GCNT1: variants seen among roughly 807,000 people sequenced by gnomAD.
GCNT1 encodes the protein glucosaminyl (N-acetyl) transferase 1, also known as beta-1,3-galactosyl-O-glycosyl-glycoprotein beta-1,6-N-acetylglucosaminyltransferase.
Under a neutral mutation model 26.2 loss-of-function variants are expected in GCNT1, and 16 were observed. The observed-to-expected ratio is 0.61, with a 90% CI of 0.41 to 0.93. The LOEUF (loss-of-function observed/expected upper bound fraction) is 0.93. Among genes scored for constraint, GCNT1 ranks in the 40% least tolerant of loss-of-function variants. The probability of loss-of-function intolerance (pLI) is 0.00; values close to 1 mark genes in which losing one functional copy is unlikely to be tolerated. For missense variants in GCNT1, 477 were observed against 526.7 expected (o/e 0.91, Z 0.92); for synonymous variants, 183 against 190.8 (o/e 0.96, Z 0.34).
chr9:76,433,683 T>G (rs1202099129), intron 1 of GCNT1, among the ~76,000 whole-genome samples: 5 of 152,130 alleles, frequency 3.3e-5, no homozygotes, highest in Non-Finnish European at 7.4e-5. Flanking sequence ...GTGGGCAGGG[T>G]GCCTCTTGCA....
upstream of GCNT1, chr9:76,441,644 A>C (rs984935021): frequency 2.0e-5 from 3 of 152,432 alleles, no homozygotes; most frequent in African/African-American, 7.2e-5. Flanking sequence ...TTGAGACACG[A>C]AGAAAGTGTG....
At chr9:76,437,922 G>A (rs1823431291), upstream of GCNT1, among the ~76,000 whole-genome samples, 1 of 152,336 alleles carries the variant, frequency 6.6e-6, no homozygotes. Context: ...AAGAGTAAAT[G>A]ATCTTTTGAT....
At chr9:76,486,447 A>T (rs1824577293) in intron 2 of GCNT1, among the ~76,000 whole-genome samples, 1 of 152,160 alleles carries the variant, frequency 6.6e-6, no homozygotes, top group African/African-American at 2.4e-5. Flanking sequence ...CAAGTTGAAA[A>T]CAGTTTTCCT....
In GCNT1 at chr9:76,499,605, C is replaced by A. The variant is rs142474380; in HGVS notation, c.-289-1311C>A. ...TTATGAAATGTCTAGGTAAGGATAT[C>A]TGAGTTTATCCTCTTTGGCGCTCAT... On this transcript the variant is annotated intron_variant, in intron 2 of 3. Coordinates refer to ENST00000376730, the MANE Select transcript of GCNT1 (RefSeq NM_001490.5). Among the ~76,000 whole-genome samples the A allele has an allele frequency of 1.7e-3, 266 of 152,292 alleles. 2 individuals carry two copies. The East Asian group carries it at 0.026, about 15-fold the overall frequency.
intron 2 of GCNT1, among the ~76,000 whole-genome samples, chr9:76,480,774 T>C (rs1310488029): frequency 1.3e-5 from 2 of 152,226 alleles, no homozygotes; most frequent in East Asian, 3.8e-4. Context: ...GTAGAACTTT[T>C]CATGTCATTA....
intron 2 of GCNT1, among the ~76,000 whole-genome samples, chr9:76,476,235 T>C (rs1345978777): frequency 6.6e-6 from 1 of 152,130 alleles, no homozygotes; most frequent in Non-Finnish European, 1.5e-5. Flanking sequence ...GTACTTAAAA[T>C]TGGGACCGTT....
At chr9:76,403,024 C>T in the GCNT1 span, among the ~76,000 whole-genome samples, 1 of 152,122 alleles carries the variant, frequency 6.6e-6, no homozygotes, top group Non-Finnish European at 1.5e-5. Flanking sequence ...GGAAGGTTGT[C>T]AGTAGTACTA....
At chr9:76,450,291 T>A (rs560595489) in intron 1 of GCNT1, among the ~76,000 whole-genome samples, 1 of 152,380 alleles carries the variant, frequency 6.6e-6, no homozygotes, top group Non-Finnish European at 1.5e-5. Flanking sequence ...CCTTATAGCA[T>A]ATGCGTAAAT....
At chr9:76,403,411 T>A in the GCNT1 span, among the ~76,000 whole-genome samples, 1 of 152,242 alleles carries the variant, frequency 6.6e-6, no homozygotes, top group African/African-American at 2.4e-5. Context: ...GCAAATGCAA[T>A]GTTAAATTCT....
rs1354443553 is a variant in GCNT1 at position 76,504,743 on chromosome 9, C to G, written c.*1075C>G. On this transcript the variant is annotated 3_prime_UTR_variant, in exon 4 of 4. Transcript: ENST00000376730. The stretch of plus-strand genomic sequence containing the variant: ...CAGGATTGTTTTATCCTAATGTCAC[C>G]TGTATATTCATTTGAAAGGACTTGG... 2 of 413,356 alleles carry G rather than the reference C, an allele frequency of 4.8e-6. No individual in the cohort carries two copies. Among genetic ancestry groups the G allele is most frequent in the Non-Finnish European group, 8.8e-6 (2 of 226,148 alleles). 25.6% of individuals were successfully genotyped at this position (413,356 alleles called of 1,614,324 possible).
chr9:76,501,305 A>G (rs1825060082), intron 3 of GCNT1, among the ~76,000 whole-genome samples: 1 of 152,216 alleles, frequency 6.6e-6, no homozygotes, highest in South Asian at 2.1e-4. Flanking sequence ...ACCAATTGCC[A>G]AGTTATAAAA....
At chr9:76,482,258 C>G (rs1478635365) in intron 2 of GCNT1, among the ~76,000 whole-genome samples, 1 of 151,984 alleles carries the variant, frequency 6.6e-6, no homozygotes, top group Non-Finnish European at 1.5e-5. Flanking sequence ...ATCTCCTACT[C>G]CCTAAAACTC....
chr9:76,465,102 C>G (rs974295842), intron 2 of GCNT1, among the ~76,000 whole-genome samples: 2 of 152,230 alleles, frequency 1.3e-5, no homozygotes, highest in East Asian at 3.9e-4. Context: ...CCTGCCTCAG[C>G]CTCCCTTGTA....
chr9:76,424,703 C>G (rs1207297007), intron 1 of GCNT1, among the ~76,000 whole-genome samples: 1 of 152,080 alleles, frequency 6.6e-6, no homozygotes, highest in African/African-American at 2.4e-5. Context: ...GTGCCCTATT[C>G]AAAATGGAAA....
At chr9:76,409,838 G>A in the GCNT1 span, among the ~76,000 whole-genome samples, 3 of 152,022 alleles carry the variant, frequency 2.0e-5, no homozygotes, top group African/African-American at 7.2e-5. Flanking sequence ...GTTTCTTAAA[G>A]TGGAAGCTTA....
intron 2 of GCNT1, among the ~76,000 whole-genome samples, chr9:76,486,916 A>AAAAC (rs74278555): frequency 0.36 from 54,467 of 150,816 alleles, 10,316 homozygotes; most frequent in South Asian, 0.42. Flanking sequence ...ATCTCTACTT[A>AAAAC]AAACAAACAA....
chr9:76,428,302 A>AAAAAAAAAAAAAAAAGAG (rs1222053703), intron 1 of GCNT1, among the ~76,000 whole-genome samples: 1 of 149,330 alleles, frequency 6.7e-6, no homozygotes, highest in Non-Finnish European at 1.5e-5. Context: ...TAAAAAAAAA[A>AAAAAAAAAAAAAAAAGAG]AGAGAGAGAG....
intron 2 of GCNT1, among the ~76,000 whole-genome samples, chr9:76,460,761 T>C (rs980755981): frequency 2.0e-5 from 3 of 152,214 alleles, no homozygotes; most frequent in African/African-American, 7.2e-5. Context: ...TTTTAAAAAG[T>C]TTTATTGGCC....
chr9:76,461,183 A>C (rs1475531981), intron 2 of GCNT1, among the ~76,000 whole-genome samples: 1 of 135,444 alleles, frequency 7.4e-6, no homozygotes, highest in Non-Finnish European at 1.6e-5. Flanking sequence ...TCAGCCATAC[A>C]GTGTAGGCAG....
Sources: gnomAD v4.1 joint callset for allele counts (sites outside exome capture counted in the v4.1 genomes callset) on GRCh38, gnomAD v4.1.1 for gene constraint, MANE v1.5 for transcripts, NCBI Gene and HGNC (gene_info 2026-07-23, HGNC 2026-07-21) for gene names.